The following FBXO38 variants were observed in gnomAD, a reference collection of about 807,000 sequenced individuals.
FBXO38 encodes F-box protein 38, also known as F-box only protein 38.
FBXO38 carries 53 observed loss-of-function variants against 131.9 expected under a neutral mutation model. The observed-to-expected ratio is 0.40, with a 90% CI of 0.32 to 0.51. FBXO38 has a LOEUF of 0.51. FBXO38 is among the 20% of genes least tolerant of loss of function. The pLI is 0.53. For synonymous variants in FBXO38, 452 were observed against 505.6 expected, an observed-to-expected ratio of 0.89 and a Z score of 1.42; for missense variants, 1,076 against 1,475.6, an observed-to-expected ratio of 0.73 and a Z score of 4.44.
rs576607178 is a variant in FBXO38 at position 148,442,667 on chromosome 5, T to C, written c.*520T>C. The C allele has an allele frequency of 2.0e-5, 3 of 152,190 alleles. No individual in the cohort carries two copies. The highest frequency in any genetic ancestry group is 4.4e-5 in the Non-Finnish European group (3 of 68,052). The allele number at this position is 152,190 out of a possible 1,614,324, so 9.4% of individuals were successfully genotyped here. On this transcript the variant is annotated 3_prime_UTR_variant, in exon 22 of 22. Transcript: ENST00000340253. ...CAAAGCTGTAGTTCTTTCTTAGTAT[T>C]ATAGTTGCCATGTTTCTTAAAATCA... is the stretch of plus-strand genomic sequence containing the variant.
At chr5:148,395,683 A>G (rs1232371631) in intron 2 of FBXO38, among the ~76,000 whole-genome samples, 1 of 152,140 alleles carries the variant, frequency 6.6e-6, no homozygotes, top group African/African-American at 2.4e-5. Context: ...CAGTGAGATA[A>G]TGCATTAAAC....
rs148537296 is a variant in FBXO38, at chr5:148,442,254, C to T, written c.*107C>T. 359 of 975,662 alleles carry T rather than the reference C, an allele frequency of 3.7e-4. 1 individual carries two copies. In the East Asian group the frequency reaches 4.8e-3, roughly 13 times the overall value. 60.4% of individuals were successfully genotyped at this position (975,662 alleles called of 1,614,324 possible). A position where few individuals can be genotyped will look rare whatever the true frequency, so the allele number is the denominator to read the frequency against. ...GGCATGCAGTTGGGAGGTCCTGGCT[C>T]GGTTTGCTATATAGGGAATATATAA... is the stretch of plus-strand genomic sequence containing the variant. On this transcript the variant is annotated 3_prime_UTR_variant, in exon 22 of 22. Transcript: ENST00000340253.
At chr5:148,430,692 A>G (rs1180313222) in intron 15 of FBXO38, 1 of 152,156 alleles carries the variant, frequency 6.6e-6, no homozygotes, top group Non-Finnish European at 1.5e-5. Flanking sequence ...AAAGGAAGAA[A>G]CTTGAATGTT....
At chr5:148,426,468 AT>A (rs1753719826) in intron 14 of FBXO38, among the ~76,000 whole-genome samples, 3 of 152,290 alleles carry the variant, frequency 2.0e-5, no homozygotes, top group Admixed American at 6.5e-5. Flanking sequence ...TTCAATTTTT[AT>A]TTCTTTTAAG....
At chr5:148,429,919 G>A (rs1416262754) in intron 15 of FBXO38, among the ~76,000 whole-genome samples, 1 of 151,258 alleles carries the variant, frequency 6.6e-6, no homozygotes, top group African/African-American at 2.4e-5. Flanking sequence ...GCTTTTTATT[G>A]CTTTTATTAT....
intron 2 of FBXO38, among the ~76,000 whole-genome samples, chr5:148,395,342 A>T (rs549124548): frequency 2.0e-4 from 31 of 152,272 alleles, no homozygotes; most frequent in South Asian, 1.4e-3. Context: ...AGTGATTGTA[A>T]CTAAGTTTTC....
At chr5:148,402,648 C>T in intron 5 of FBXO38, 135 bp downstream of exon 5, 1 of 780,344 alleles carries the variant, frequency 1.3e-6, no homozygotes, top group Non-Finnish European at 1.9e-6. Context: ...TTTGCAAGAT[C>T]TGTATAAAAA....
chr5:148,400,735 G>T (rs558066876), intron 3 of FBXO38, among the ~76,000 whole-genome samples: 2 of 152,152 alleles, frequency 1.3e-5, no homozygotes, highest in African/African-American at 4.8e-5. Context: ...TCTCTCGTGG[G>T]AGGCAACATG....
At chr5:148,395,414 C>G (rs1758429011) in intron 2 of FBXO38, among the ~76,000 whole-genome samples, 2 of 151,454 alleles carry the variant, frequency 1.3e-5, no homozygotes, top group Non-Finnish European at 2.9e-5. Context: ...ATGATGAACA[C>G]AACACAAAAA....
intron 21 of FBXO38, 182 bp downstream of exon 21, chr5:148,441,419 C>A (rs915990161): frequency 1.9e-6 from 1 of 532,228 alleles, no homozygotes; most frequent in Non-Finnish European, 3.2e-6. Flanking sequence ...AGTGGACTTA[C>A]TAGGGATATA....
chr5:148,416,460 T>G (rs2113586576), intron 11 of FBXO38, among the ~76,000 whole-genome samples: 1 of 152,296 alleles, frequency 6.6e-6, no homozygotes, highest in Non-Finnish European at 1.5e-5. Context: ...AATTAAGGAT[T>G]TATTTGGGGA....
intron 1 of FBXO38, among the ~76,000 whole-genome samples, chr5:148,386,498 T>G (rs183217221): frequency 6.6e-6 from 1 of 152,224 alleles, no homozygotes; most frequent in East Asian, 1.9e-4. Flanking sequence ...TGTGCCACTT[T>G]CATCGTATTC....
rs887692195 is a variant in FBXO38 at position 148,401,841 on chromosome 5, A to C, written c.263-141A>C. On this transcript the variant is annotated intron_variant, in intron 3 of 21. Coordinates refer to ENST00000340253, the MANE Select transcript of FBXO38 (RefSeq NM_205836.3). ...TTACTAAAGGAGTATATTTTCTGTT[A>C]TGTTTATTCAGCTTTAGTGTTAGCT... 6.3e-6 allele frequency: 4 copies of C among 633,434 alleles called. No individual in the cohort carries two copies. In the African/African-American group the frequency reaches 7.4e-5, roughly 12 times the overall value. The allele number at this position is 633,434 out of a possible 1,614,324, so 39.2% of individuals were successfully genotyped here. A position where few individuals can be genotyped will look rare whatever the true frequency, so the allele number is the denominator to read the frequency against.
intron 3 of FBXO38, among the ~76,000 whole-genome samples, chr5:148,400,865 C>A (rs918621975): frequency 2.0e-5 from 3 of 151,866 alleles, no homozygotes; most frequent in African/African-American, 4.8e-5. Context: ...GGGGTGATAA[C>A]CTTTCTGATT....
chr5:148,417,382 C>G (rs1210093659), intron 12 of FBXO38, among the ~76,000 whole-genome samples, 178 bp downstream of exon 12: 2 of 152,088 alleles, frequency 1.3e-5, no homozygotes, highest in African/African-American at 4.8e-5. Flanking sequence ...TTGCTTGTTT[C>G]AAAACTGCTT....
chr5:148,427,980 G>T (rs1330431210), intron 15 of FBXO38, 33 bp downstream of exon 15: 1 of 1,463,954 alleles, frequency 6.8e-7, no homozygotes, highest in Non-Finnish European at 9.0e-7. Context: ...AGCAACTGCA[G>T]GGTAGGGCTG....
chr5:148,405,664 C>T (rs879784618), intron 6 of FBXO38, among the ~76,000 whole-genome samples: 1 of 152,202 alleles, frequency 6.6e-6, no homozygotes, highest in Admixed American at 6.6e-5. Context: ...GTTTCGTTAT[C>T]CTGAGATGTG....
At chr5:148,409,064 A>G (rs1752594973) in intron 7 of FBXO38, 60 bp from the exon 8 acceptor site, 1 of 879,556 alleles carries the variant, frequency 1.1e-6, no homozygotes, top group Non-Finnish European at 2.0e-6. Flanking sequence ...AATGTATAGT[A>G]TATAAATACT....
At chr5:148,398,906 G>A (rs1751981275) in intron 2 of FBXO38, 93 bp from the exon 3 acceptor site, 1 of 1,334,866 alleles carries the variant, frequency 7.5e-7, no homozygotes, top group African/African-American at 1.5e-5. Flanking sequence ...TCATTTGAGT[G>A]GTAGGAGATT....
Sources: allele counts gnomAD v4.1 joint callset (sites outside exome capture counted in the v4.1 genomes callset), GRCh38; gene constraint gnomAD v4.1.1; transcripts MANE v1.5; gene names NCBI Gene and HGNC (gene_info 2026-07-23, HGNC 2026-07-21).